The following ITGBL1 variants were observed in gnomAD, a reference collection of about 807,000 sequenced individuals.
ITGBL1 encodes the protein integrin beta-like protein 1.
A neutral mutation model predicts 68.5 loss-of-function variants in ITGBL1; 51 were observed. The observed-to-expected ratio is 0.74, with a 90% CI of 0.59 to 0.94. The LOEUF (loss-of-function observed/expected upper bound fraction) is 0.94, where lower values mean the gene tolerates loss of function less well. ITGBL1 is among the 40% of genes least tolerant of loss of function. The pLI is 0.00. For missense variants in ITGBL1, 649 were observed against 647.4 expected (o/e 1.00, Z -0.03); for synonymous variants, 209 against 227.3 (o/e 0.92, Z 0.72).
rs1265321731 is a variant in ITGBL1 at position 101,573,491 on chromosome 13, G to A, written c.464-1933G>A. On this transcript the variant is annotated intron_variant, in intron 3 of 10. Coordinates refer to ENST00000376180, the MANE Select transcript of ITGBL1 (RefSeq NM_004791.3). The stretch of plus-strand genomic sequence containing the variant: ...AGCATCCATAAATATATTTTCTGGA[G>A]AAAATGTTTGTAAATATGATGAATA... Among the ~76,000 whole-genome samples the A allele has an allele frequency of 2.6e-5, 4 of 152,202 alleles. No individual in the cohort carries two copies. The South Asian group carries it at 8.3e-4, about 32-fold the overall frequency.
rs899392206 is a variant in ITGBL1 at position 101,715,815 on chromosome 13, T to C, written c.*161T>C. On this transcript the variant is annotated 3_prime_UTR_variant, in exon 11 of 11. Transcript: ENST00000376180. ...ATGAAATCCGAGTACCTATTAGAAATGAGTTATGCAAATTTAGATGCAAAT... is the reference window on the plus strand; with the variant it reads ...ATGAAATCCGAGTACCTATTAGAAACGAGTTATGCAAATTTAGATGCAAAT... 6.1e-6 allele frequency: 3 copies of C among 494,214 alleles called. No homozygotes were observed. The highest frequency in any genetic ancestry group is 5.9e-5 in the African/African-American group (3 of 50,804). 30.6% of individuals were successfully genotyped at this position (494,214 alleles called of 1,614,324 possible).
chr13:101,456,593 A>G (rs1180496741), intron 2 of ITGBL1, among the ~76,000 whole-genome samples: 1 of 152,188 alleles, frequency 6.6e-6, no homozygotes, highest in African/African-American at 2.4e-5. Flanking sequence ...TCCTTCTCTT[A>G]TAGTACTATA....
chr13:101,706,720 T>A (rs746038624), intron 8 of ITGBL1, 36 bp from the exon 9 acceptor site: 1 of 1,595,238 alleles, frequency 6.3e-7, no homozygotes, highest in South Asian at 1.1e-5. Flanking sequence ...GGTTATTTCC[T>A]CATCCTCTCA....
chr13:101,547,699 A>G (rs2049850287), intron 2 of ITGBL1, among the ~76,000 whole-genome samples: 1 of 151,812 alleles, frequency 6.6e-6, no homozygotes, highest in Non-Finnish European at 1.5e-5. Flanking sequence ...TTAAATAACT[A>G]AAATATTGGA....
chr13:101,476,895 G>A lies in ITGBL1; in HGVS notation c.316+22795G>A, dbSNP rs538813812. 4.6e-5 allele frequency among the ~76,000 whole-genome samples: 7 copies of A among 152,114 alleles called. No homozygotes were observed. The East Asian group carries it at 1.3e-3, about 29-fold the overall frequency. ...TGAGAGATAGACCCCAATACAATAA[G>A]AGCTAAAGACTTTAACACCCCACTT... On this transcript the variant is annotated intron_variant, in intron 2 of 10. Coordinates refer to ENST00000376180, the MANE Select transcript of ITGBL1 (RefSeq NM_004791.3).
At chr13:101,699,780 T>TGA (rs2034092077) in intron 8 of ITGBL1, among the ~76,000 whole-genome samples, 1 of 152,228 alleles carries the variant, frequency 6.6e-6, no homozygotes, top group African/African-American at 2.4e-5. Flanking sequence ...CACTCCTGGG[T>TGA]GTTCCTCTTA....
intron 7 of ITGBL1, among the ~76,000 whole-genome samples, chr13:101,599,136 T>C (rs2030187960): frequency 6.6e-6 from 1 of 152,072 alleles, no homozygotes; most frequent in Non-Finnish European, 1.5e-5. Flanking sequence ...TTCTAACTGG[T>C]GTGAGATGGT....
chr13:101,711,407 AAG>A (rs1468747530), intron 9 of ITGBL1: 1 of 152,364 alleles, frequency 6.6e-6, no homozygotes, highest in African/African-American at 2.4e-5. Flanking sequence ...ATCCCCAGAA[AAG>A]AGAAAGAGTG....
At chr13:101,519,720 T>C (rs2049254213) in intron 2 of ITGBL1, among the ~76,000 whole-genome samples, 1 of 152,134 alleles carries the variant, frequency 6.6e-6, no homozygotes, top group Non-Finnish European at 1.5e-5. Flanking sequence ...AGATCCTGAT[T>C]ATGGTAATTT....
intron 7 of ITGBL1, among the ~76,000 whole-genome samples, chr13:101,649,648 A>T (rs1036437): frequency 0.24 from 36,598 of 152,044 alleles, 4,921 homozygotes; most frequent in Admixed American, 0.32. Context: ...CTTAGCAAGG[A>T]TCATGATTTC....
intron 2 of ITGBL1, among the ~76,000 whole-genome samples, chr13:101,543,418 G>A (rs556640259): frequency 6.6e-6 from 1 of 152,124 alleles, no homozygotes; most frequent in South Asian, 2.1e-4. Flanking sequence ...AGTTTCTGCC[G>A]AGAGATCAGC....
At chr13:101,545,631 T>C (rs2069012844) in intron 2 of ITGBL1, among the ~76,000 whole-genome samples, 1 of 152,146 alleles carries the variant, frequency 6.6e-6, no homozygotes, top group South Asian at 2.1e-4. Flanking sequence ...AAATCTTCCA[T>C]GGTAAAGTTA....
intron 8 of ITGBL1, among the ~76,000 whole-genome samples, chr13:101,701,270 C>T (rs2034130359): frequency 6.6e-6 from 1 of 152,146 alleles, no homozygotes; most frequent in Non-Finnish European, 1.5e-5. Flanking sequence ...CACAGTGGCT[C>T]ACACCTGTAA....
intron 2 of ITGBL1, among the ~76,000 whole-genome samples, chr13:101,530,494 T>G (rs2049454912): frequency 6.6e-6 from 1 of 152,172 alleles, no homozygotes; most frequent in Non-Finnish European, 1.5e-5. Context: ...TAAAAATGCT[T>G]TTGCCACTGT....
chr13:101,700,324 C>T (rs1360524540), intron 8 of ITGBL1, among the ~76,000 whole-genome samples: 2 of 152,170 alleles, frequency 1.3e-5, no homozygotes, highest in African/African-American at 4.8e-5. Flanking sequence ...TTGTCTTTTC[C>T]TCACTTGCCA....
intron 2 of ITGBL1, among the ~76,000 whole-genome samples, chr13:101,542,464 C>G (rs1219367454): frequency 2.0e-5 from 3 of 152,136 alleles, no homozygotes; most frequent in Admixed American, 2.0e-4. Flanking sequence ...CTGAGGAGTG[C>G]TTTACTTCCA....
chr13:101,611,552 A>T (rs534470872), intron 7 of ITGBL1, among the ~76,000 whole-genome samples: 1 of 152,296 alleles, frequency 6.6e-6, no homozygotes, highest in South Asian at 2.1e-4. Flanking sequence ...AGATGCCTAC[A>T]TGTTTAAAAT....
At chr13:101,583,172 G>T (rs1356760427) in intron 5 of ITGBL1, 44 bp from the exon 6 acceptor site, 18 of 1,590,084 alleles carry the variant, frequency 1.1e-5, no homozygotes, top group Non-Finnish European at 1.6e-5. Context: ...TTCTTTCATG[G>T]TTTTTCTTGA....
At chr13:101,567,387 T>G (rs1432667543) in intron 2 of ITGBL1, among the ~76,000 whole-genome samples, 1 of 152,112 alleles carries the variant, frequency 6.6e-6, no homozygotes, top group African/African-American at 2.4e-5. Context: ...TCTTAAATAC[T>G]GAGATGCTGG....
Sources: gnomAD v4.1 joint callset for allele counts (sites outside exome capture counted in the v4.1 genomes callset) on GRCh38, gnomAD v4.1.1 for gene constraint, MANE v1.5 for transcripts, NCBI Gene and HGNC (gene_info 2026-07-23, HGNC 2026-07-21) for gene names.